The following MAPK14 variants were observed in gnomAD, a reference collection of about 807,000 sequenced individuals.
The protein encoded by MAPK14 is mitogen-activated protein kinase 14.
MAPK14 carries 16 observed loss-of-function variants against 49.6 expected under a neutral mutation model. The ratio of observed to expected loss-of-function variants is 0.32; its 90% CI spans 0.22 to 0.49. The LOEUF is 0.49. Among genes scored for constraint, MAPK14 ranks in the 20% least tolerant of loss-of-function variants. The pLI is 0.99. For missense variants in MAPK14, 200 were observed against 441.2 expected, an observed-to-expected ratio of 0.45 and a Z score of 4.90; for synonymous variants, 142 against 158.0, an observed-to-expected ratio of 0.90 and a Z score of 0.76.
intron 1 of MAPK14, among the ~76,000 whole-genome samples, chr6:36,044,079 G>A (rs983139349): frequency 1.3e-5 from 2 of 151,542 alleles, no homozygotes; most frequent in Non-Finnish European, 2.9e-5. Context: ...CAAAGTTCTG[G>A]GATTACAGTC....
At chr6:36,114,899 T>C (rs557466361), downstream of MAPK14, among the ~76,000 whole-genome samples, 2 of 152,176 alleles carry the variant, frequency 1.3e-5, no homozygotes, top group Non-Finnish European at 2.9e-5. Flanking sequence ...ATGTGCCTGG[T>C]GTGTTGTCGA....
In MAPK14 at chr6:36,110,603, A is replaced by G. The variant is rs908382228; in HGVS notation, c.*2156A>G. Reference sequence around the variant, plus strand: ...AAGAGCTCTTCGGTTTCTGAGCATAATGCTCCCATCTCCTGATTTCTCTGA... The same window carrying G: ...AAGAGCTCTTCGGTTTCTGAGCATAGTGCTCCCATCTCCTGATTTCTCTGA... On this transcript the variant is annotated 3_prime_UTR_variant, in exon 12 of 12. Transcript: ENST00000229794. The G allele has an allele frequency of 2.0e-5, 3 of 152,680 alleles. No homozygotes were observed. The highest frequency in any genetic ancestry group is 4.4e-5 in the Non-Finnish European group (3 of 68,048). 9.5% of individuals were successfully genotyped at this position (152,680 alleles called of 1,614,324 possible). A position where few individuals can be genotyped will look rare whatever the true frequency, so the allele number is the denominator to read the frequency against.
intron 9 of MAPK14, 137 bp downstream of exon 9, chr6:36,096,203 AAGAC>A (rs1765439690): frequency 3.1e-6 from 2 of 638,232 alleles, no homozygotes; most frequent in South Asian, 1.8e-5. Flanking sequence ...AGTGAGGTAT[AAGAC>A]AGTGTGAGTG....
intron 8 of MAPK14, among the ~76,000 whole-genome samples, chr6:36,094,676 A>G (rs1765377967): frequency 6.6e-6 from 1 of 152,226 alleles, no homozygotes; most frequent in Non-Finnish European, 1.5e-5. Flanking sequence ...CCTTTTCCTC[A>G]AATATTTTGA....
Position 36,054,242 on chromosome 6 carries a change from G to A in MAPK14, c.246+1414G>A, listed in dbSNP as rs112088486. Among the ~76,000 whole-genome samples the A allele has an allele frequency of 3.6e-3, 552 of 152,262 alleles. 7 individuals carry two copies. Among genetic ancestry groups the A allele is most frequent in the African/African-American group, 0.012 (497 of 41,542 alleles). On this transcript the variant is annotated intron_variant, in intron 2 of 11. Transcript: ENST00000229794. ...CAGAGACAGTGTCACAGCTTTGCAAGTATAAAGGATATTTTGAAAGTGAAA... is the reference window on the plus strand; with the variant it reads ...CAGAGACAGTGTCACAGCTTTGCAAATATAAAGGATATTTTGAAAGTGAAA...
downstream of MAPK14, among the ~76,000 whole-genome samples, chr6:36,113,108 A>G (rs2127480498): frequency 6.6e-6 from 1 of 152,310 alleles, no homozygotes; most frequent in Non-Finnish European, 1.5e-5. Context: ...TGTTTTAATA[A>G]TGTACATGCC....
intron 1 of MAPK14, among the ~76,000 whole-genome samples, chr6:36,048,110 C>T (rs904301733): frequency 2.0e-5 from 3 of 151,964 alleles, no homozygotes; most frequent in African/African-American, 4.8e-5. Flanking sequence ...GATGCAATCT[C>T]GGCTCAGTGC....
chr6:36,068,282 G>C lies in MAPK14; in HGVS notation c.306-4591G>C, dbSNP rs57915859. On this transcript the variant is annotated intron_variant, in intron 3 of 11. Transcript: ENST00000229794. Reference sequence around the variant, plus strand: ...TGGAGCTGAGTAAGAGCAAGGGACAGAGACATAGACTATGAAATCAGAGAC... The same window carrying C: ...TGGAGCTGAGTAAGAGCAAGGGACACAGACATAGACTATGAAATCAGAGAC... 3.9e-3 allele frequency among the ~76,000 whole-genome samples: 600 copies of C among 152,284 alleles called. 4 individuals are homozygous for C. Among genetic ancestry groups the C allele is most frequent in the African/African-American group, 0.014 (565 of 41,552 alleles).
chr6:36,092,973 G>T (rs1366697058), intron 8 of MAPK14, among the ~76,000 whole-genome samples: 1 of 152,074 alleles, frequency 6.6e-6, no homozygotes, highest in Non-Finnish European at 1.5e-5. Flanking sequence ...AAATAAGATG[G>T]AGTGATAAAT....
At chr6:36,036,108 C>T (rs1272866575) in intron 1 of MAPK14, among the ~76,000 whole-genome samples, 1 of 151,868 alleles carries the variant, frequency 6.6e-6, no homozygotes, top group African/African-American at 2.4e-5. Flanking sequence ...TTGTGGTGTA[C>T]ACCTATAGTC....
chr6:36,082,375 C>T (rs1764800277), intron 8 of MAPK14, among the ~76,000 whole-genome samples: 1 of 152,122 alleles, frequency 6.6e-6, no homozygotes, highest in Non-Finnish European at 1.5e-5. Context: ...TCATAAATGC[C>T]CTTTATCATG....
the MAPK14 span, among the ~76,000 whole-genome samples, chr6:36,117,558 C>A: frequency 3.7e-4 from 57 of 152,292 alleles, no homozygotes; most frequent in African/African-American, 1.3e-3. Flanking sequence ...GCACTGATTA[C>A]ACTGCTTTAT....
At chr6:36,043,804 CT>C (rs796534477) in intron 1 of MAPK14, among the ~76,000 whole-genome samples, 6,995 of 90,630 alleles carry the variant, frequency 0.077, 72 homozygotes, top group African/African-American at 0.12. Flanking sequence ...CTTTTTCTTT[CT>C]TTTTTTTTTT....
chr6:36,083,583 C>T (rs1253167996), intron 8 of MAPK14, among the ~76,000 whole-genome samples: 1 of 152,176 alleles, frequency 6.6e-6, no homozygotes, highest in Non-Finnish European at 1.5e-5. Context: ...GTGGTGGTGG[C>T]ACATCATGGC....
intron 1 of MAPK14, among the ~76,000 whole-genome samples, chr6:36,037,374 G>T (rs931662248): frequency 6.6e-6 from 1 of 152,146 alleles, no homozygotes; most frequent in East Asian, 1.9e-4. Flanking sequence ...ATGGATACTG[G>T]GTTTTGGGCA....
chr6:36,083,271 G>C (rs1030880903), intron 8 of MAPK14, among the ~76,000 whole-genome samples: 5 of 152,202 alleles, frequency 3.3e-5, no homozygotes, highest in African/African-American at 1.2e-4. Context: ...CCCAAGCCAA[G>C]GGAGGTGGTG....
intron 8 of MAPK14, among the ~76,000 whole-genome samples, chr6:36,081,439 A>G (rs570405577): frequency 3.3e-4 from 50 of 152,308 alleles, no homozygotes; most frequent in African/African-American, 1.2e-3. Flanking sequence ...CCATAAAGAG[A>G]CTATTACTTC....
intron 3 of MAPK14, among the ~76,000 whole-genome samples, chr6:36,059,641 A>G (rs966087097): frequency 1.3e-5 from 2 of 152,024 alleles, no homozygotes; most frequent in Non-Finnish European, 2.9e-5. Flanking sequence ...TTTCTTTTCA[A>G]AGTGTTTATC....
At chr6:36,066,078 A>G (rs941166931) in intron 3 of MAPK14, among the ~76,000 whole-genome samples, 2 of 152,004 alleles carry the variant, frequency 1.3e-5, no homozygotes, top group Admixed American at 1.3e-4. Context: ...TTTTTTTTTC[A>G]GTAACATCTT....
Sources: allele counts gnomAD v4.1 joint callset (sites outside exome capture counted in the v4.1 genomes callset), GRCh38; gene constraint gnomAD v4.1.1; transcripts MANE v1.5; gene names NCBI Gene and HGNC (gene_info 2026-07-23, HGNC 2026-07-21).